The following NTRK2 variants were observed in gnomAD, a reference collection of about 807,000 sequenced individuals.
NTRK2 encodes neurotrophic receptor tyrosine kinase 2.
A neutral mutation model predicts 94.5 loss-of-function variants in NTRK2; 13 were observed. The ratio of observed to expected loss-of-function variants is 0.14; its 90% CI spans 0.09 to 0.22. NTRK2 has a LOEUF of 0.22. NTRK2 is among the 10% of genes least tolerant of loss of function. The pLI, the probability that NTRK2 is intolerant of heterozygous loss-of-function variation, is 1.00. For synonymous variants in NTRK2, 372 were observed against 407.4 expected (o/e 0.91, Z 1.05); for missense variants, 639 against 1,071.2 (o/e 0.60, Z 5.63).
intron 12 of NTRK2, among the ~76,000 whole-genome samples, chr9:84,858,600 G>A (rs567813052): frequency 2.5e-4 from 38 of 151,274 alleles, no homozygotes; most frequent in African/African-American, 8.3e-4. Context: ...TTCTCGAGCC[G>A]CCTCCCAACC....
chr9:84,854,926 A>G (rs987877755), intron 12 of NTRK2, among the ~76,000 whole-genome samples: 2 of 127,570 alleles, frequency 1.6e-5, no homozygotes, highest in African/African-American at 3.0e-5. Context: ...CAGCCTGGCC[A>G]ACAGAGCGAG....
In NTRK2 at chr9:84,764,312, A is replaced by G. The variant is rs568708073; in HGVS notation, c.1396+12227A>G. Among the ~76,000 whole-genome samples the G allele has an allele frequency of 2.0e-5, 3 of 152,368 alleles. No homozygotes were observed. The South Asian group carries it at 6.2e-4, about 32-fold the overall frequency. On this transcript the variant is annotated intron_variant, in intron 12 of 18. Coordinates refer to ENST00000277120, the MANE Select transcript of NTRK2 (RefSeq NM_006180.6). The stretch of plus-strand genomic sequence containing the variant: ...CCTAAAACTTGAACCTACTGGGCTT[A>G]GCATACTTTCCTAAAAGCTACTTAA...
chr9:84,833,655 G>A (rs912768269), intron 12 of NTRK2, among the ~76,000 whole-genome samples: 4 of 151,808 alleles, frequency 2.6e-5, no homozygotes, highest in African/African-American at 7.3e-5. Flanking sequence ...GGGAGGCAGG[G>A]GAGGGAGGGG....
intron 17 of NTRK2, among the ~76,000 whole-genome samples, chr9:85,018,386 T>C (rs1215139024): frequency 6.6e-6 from 1 of 152,214 alleles, no homozygotes; most frequent in Non-Finnish European, 1.5e-5. Context: ...GTGCCCAGCC[T>C]TTTCTGGCAC....
rs2132060165 is a variant in NTRK2 at position 84,867,388 on chromosome 9, C to G, written c.1590C>G (p.Pro530=). The G allele has an allele frequency of 6.2e-7, 1 of 1,613,970 alleles. No individual in the cohort carries two copies. Among genetic ancestry groups the G allele is most frequent in the Non-Finnish European group, 8.5e-7 (1 of 1,179,926 alleles). The stretch of plus-strand genomic sequence containing the variant: ...CCAAGATCCCTGTCATTGAAAATCC[C>G]CAGTACTTTGGCATCACCAACAGTC... ...GMTKIPVIEN[P]QYFGITNSQL... is the part of the protein sequence containing the mutation. The change falls in exon 14 of 19, where the codon CCC becomes CCG. Residue 530 remains proline (P), a synonymous_variant. Transcript: ENST00000277120.
intron 4 of NTRK2, among the ~76,000 whole-genome samples, chr9:84,702,834 C>T (rs372712081): frequency 1.3e-5 from 2 of 152,152 alleles, no homozygotes; most frequent in African/African-American, 4.8e-5. Context: ...GGTGCTTTTC[C>T]CCTCACAATA....
intron 17 of NTRK2, among the ~76,000 whole-genome samples, chr9:85,010,933 C>T (rs17418241): frequency 0.12 from 17,692 of 152,004 alleles, 1,179 homozygotes; most frequent in Admixed American, 0.17. Flanking sequence ...GAAAATGAAA[C>T]CCATGTGGGA....
chr9:84,742,573 C>T (rs1276343560), intron 10 of NTRK2, among the ~76,000 whole-genome samples: 1 of 152,106 alleles, frequency 6.6e-6, no homozygotes, highest in Non-Finnish European at 1.5e-5. Context: ...GAGACAAGAG[C>T]CAAGCCCTCT....
At chr9:84,844,706 T>C (rs994523007) in intron 12 of NTRK2, among the ~76,000 whole-genome samples, 4 of 151,746 alleles carry the variant, frequency 2.6e-5, no homozygotes, top group African/African-American at 7.3e-5. Context: ...GCTATCACTA[T>C]TTGTTTCTAT....
At chr9:84,823,714 C>A (rs1034840738) in intron 12 of NTRK2, among the ~76,000 whole-genome samples, 3 of 152,080 alleles carry the variant, frequency 2.0e-5, no homozygotes, top group African/African-American at 7.2e-5. Context: ...AGGGGAGATC[C>A]GGGTTTTTAT....
intron 14 of NTRK2, among the ~76,000 whole-genome samples, chr9:84,898,956 C>T (rs985482319): frequency 6.6e-6 from 1 of 152,184 alleles, no homozygotes; most frequent in African/African-American, 2.4e-5. Context: ...CCACCTCAGC[C>T]TCCCAAAGTG....
intron 17 of NTRK2, among the ~76,000 whole-genome samples, chr9:84,994,443 G>A (rs1564533630): frequency 6.6e-6 from 1 of 152,186 alleles, no homozygotes; most frequent in Non-Finnish European, 1.5e-5. Flanking sequence ...CAAGCTACAC[G>A]GAGCACAGGT....
In NTRK2 at chr9:84,878,013, G is replaced by A. The variant is rs181949240; in HGVS notation, c.1633+10582G>A. On this transcript the variant is annotated intron_variant, in intron 14 of 18. Transcript: ENST00000277120. ...CACCACGAACAGAGCTCTAGAAGTT[G>A]TCCGCATTGGTTCCCCAGTTGCCCC... 1.2e-4 allele frequency: 112 copies of A among 912,436 alleles called. 1 individual carries two copies. The highest frequency in any genetic ancestry group is 2.6e-5 in the Non-Finnish European group (20 of 757,356). 56.5% of individuals were successfully genotyped at this position (912,436 alleles called of 1,614,324 possible). A position where few individuals can be genotyped will look rare whatever the true frequency, so the allele number is the denominator to read the frequency against.
At chr9:84,819,459 A>C (rs1365245295) in intron 12 of NTRK2, among the ~76,000 whole-genome samples, 3 of 152,134 alleles carry the variant, frequency 2.0e-5, no homozygotes, top group African/African-American at 7.2e-5. Context: ...GACTGCTCTC[A>C]AGGCAGATTT....
intron 12 of NTRK2, among the ~76,000 whole-genome samples, chr9:84,847,691 G>C (rs763286023): frequency 1.2e-4 from 18 of 152,168 alleles, no homozygotes; most frequent in Non-Finnish European, 1.6e-4. Context: ...GAACAAATCA[G>C]TGTGGGCAGG....
intron 17 of NTRK2, among the ~76,000 whole-genome samples, chr9:84,955,905 G>T (rs917709907): frequency 2.0e-5 from 3 of 152,164 alleles, no homozygotes; most frequent in Non-Finnish European, 1.5e-5. Flanking sequence ...ACATTTTGAG[G>T]CCCTGGAGGT....
intron 12 of NTRK2, chr9:84,814,148 C>T (rs778919186): frequency 2.8e-6 from 3 of 1,065,382 alleles, no homozygotes; most frequent in Non-Finnish European, 3.4e-6. Context: ...AAATAGGTAG[C>T]AAGGACAAGA....
At chr9:84,805,151 A>G (rs1205052998) in intron 12 of NTRK2, among the ~76,000 whole-genome samples, 2 of 152,200 alleles carry the variant, frequency 1.3e-5, no homozygotes, top group Non-Finnish European at 2.9e-5. Context: ...GTTGAGTTTT[A>G]ACTGTGCAAT....
At chr9:84,932,982 G>C (rs1471944960) in intron 14 of NTRK2, among the ~76,000 whole-genome samples, 1 of 152,134 alleles carries the variant, frequency 6.6e-6, no homozygotes, top group Non-Finnish European at 1.5e-5. Context: ...AGACAGACTC[G>C]GGTTCAAATC....
Sources: gnomAD v4.1 joint callset for allele counts (sites outside exome capture counted in the v4.1 genomes callset) on GRCh38, gnomAD v4.1.1 for gene constraint, MANE v1.5 for transcripts, NCBI Gene and HGNC (gene_info 2026-07-23, HGNC 2026-07-21) for gene names.